The following TMPRSS6 variants were observed in gnomAD, a reference collection of about 807,000 sequenced individuals.
The protein encoded by TMPRSS6 is transmembrane protease serine 6.
Under a neutral mutation model 101.5 loss-of-function variants are expected in TMPRSS6, and 67 were observed. The observed-to-expected ratio is 0.66, with a 90% CI of 0.54 to 0.81. TMPRSS6 has a LOEUF of 0.81. Among genes scored for constraint, TMPRSS6 ranks in the 30% least tolerant of loss-of-function variants. The pLI is 0.00. For synonymous variants in TMPRSS6, 453 were observed against 464.9 expected (o/e 0.97, Z 0.33); for missense variants, 1,034 against 1,088.7 (o/e 0.95, Z 0.71).
At chr22:37,094,800 C>T (rs1012755533) in intron 6 of TMPRSS6, among the ~76,000 whole-genome samples, 9 of 152,178 alleles carry the variant, frequency 5.9e-5, no homozygotes, top group Non-Finnish European at 2.9e-5. Flanking sequence ...TTAAACTCTG[C>T]CTCCCTCCCT....
At chr22:37,096,183 C>T (rs1929748944) in intron 4 of TMPRSS6, 93 bp from the exon 5 acceptor site, 2 of 1,406,652 alleles carry the variant, frequency 1.4e-6, no homozygotes, top group African/African-American at 2.8e-5. Flanking sequence ...ACTTTCCGCA[C>T]CTCAGCCATT....
chr22:37,089,883 C>A, intron 6 of TMPRSS6, 101 bp from the exon 7 acceptor site: 1 of 1,256,182 alleles, frequency 8.0e-7, no homozygotes, highest in South Asian at 1.5e-5. Context: ...GCAGGATGGG[C>A]TGGGCAGGGG....
intron 1 of TMPRSS6, among the ~76,000 whole-genome samples, chr22:37,106,877 C>A (rs536459959): frequency 6.6e-6 from 1 of 152,214 alleles, no homozygotes; most frequent in Non-Finnish European, 1.5e-5. Flanking sequence ...TACCAGGCGA[C>A]CTGCCAGGCA....
chr22:37,075,011 A>G (rs1048916755), intron 11 of TMPRSS6, 124 bp downstream of exon 11: 5 of 1,516,728 alleles, frequency 3.3e-6, no homozygotes, highest in East Asian at 4.5e-5. Context: ...ACACACACAC[A>G]CACACTCTCT....
chr22:37,081,490 T>G (rs1928264840), intron 10 of TMPRSS6, among the ~76,000 whole-genome samples: 1 of 152,198 alleles, frequency 6.6e-6, no homozygotes, highest in Non-Finnish European at 1.5e-5. Flanking sequence ...GACAATAGCT[T>G]CCTGATGGGT....
chr22:37,067,982 T>C (rs912662102), intron 16 of TMPRSS6, among the ~76,000 whole-genome samples: 1 of 117,752 alleles, frequency 8.5e-6, no homozygotes, highest in Non-Finnish European at 1.8e-5. Context: ...CCTGAATGTC[T>C]TTCCCCTTTG....
At chr22:37,088,333 C>A (rs561666752) in intron 7 of TMPRSS6, among the ~76,000 whole-genome samples, 1 of 152,132 alleles carries the variant, frequency 6.6e-6, no homozygotes, top group African/African-American at 2.4e-5. Flanking sequence ...GCAAGAACCT[C>A]TGCCAGCTCA....
In TMPRSS6 at chr22:37,066,152, G is replaced by A; in HGVS notation, c.2337C>T (p.Gly779=). ...TGTAGACGCCGAAGTAGTTAGGCCG[G>A]CCACAGCCCAGGCCCCAGCTGACCA... The part of the protein sequence containing the change: ...AGLVSWGLGC[G]RPNYFGVYTR... Residue 779 remains glycine (G), a synonymous_variant, in exon 18 of 18, where the codon GGC becomes GGT. Coordinates refer to ENST00000676104, the MANE Select transcript of TMPRSS6 (RefSeq NM_001374504.1). 1 of 1,613,220 alleles carries A rather than the reference G, an allele frequency of 6.2e-7. No homozygotes were observed. Among genetic ancestry groups the A allele is most frequent in the Non-Finnish European group, 8.5e-7 (1 of 1,179,992 alleles).
chr22:37,098,464 G>A lies in TMPRSS6; in HGVS notation c.288C>T (p.Arg96=). Residue 96 remains arginine, a synonymous_variant, in exon 3 of 18, where the codon CGC becomes CGT. Transcript: ENST00000676104. ...LNRHFSQDLT[R]RESSAFRSET... is the part of the protein sequence containing the mutation. ...CACTGCGGAAGGCACTAGATTCCCG[G>A]CGGGTAAGATCCTGGGAGAAGTGGC... 6.2e-7 allele frequency: 1 copy of A among 1,614,036 alleles called. No homozygotes were observed.
chr22:37,079,627 T>C (rs763289648), intron 10 of TMPRSS6, among the ~76,000 whole-genome samples: 2 of 152,318 alleles, frequency 1.3e-5, no homozygotes, highest in African/African-American at 2.4e-5. Context: ...CAGAGCTGAA[T>C]TGGCAGCCTG....
chr22:37,076,948 C>T (rs1429927091), intron 10 of TMPRSS6, among the ~76,000 whole-genome samples: 1 of 152,222 alleles, frequency 6.6e-6, no homozygotes, highest in Non-Finnish European at 1.5e-5. Context: ...CCTGCGGAGC[C>T]GGCCATGATT....
chr22:37,088,652 C>A (rs772909337), intron 7 of TMPRSS6, among the ~76,000 whole-genome samples: 12 of 152,048 alleles, frequency 7.9e-5, no homozygotes, highest in Non-Finnish European at 1.6e-4. Flanking sequence ...GTACTCCACT[C>A]CATATCTTAT....
At chr22:37,068,994 G>T in intron 16 of TMPRSS6, 79 bp downstream of exon 16, 11 of 1,512,556 alleles carry the variant, frequency 7.3e-6, no homozygotes, top group Non-Finnish European at 9.7e-6. Context: ...CCCCAGCCCC[G>T]CCCTTCTCCA....
chr22:37,091,414 C>T (rs539990060), intron 6 of TMPRSS6, among the ~76,000 whole-genome samples: 10 of 152,334 alleles, frequency 6.6e-5, no homozygotes, highest in East Asian at 1.9e-4. Flanking sequence ...GCCCCCCAGG[C>T]TAGTGCCATC....
Position 37,103,526 on chromosome 22 carries a change from A to T in TMPRSS6, c.-1-108T>A, listed in dbSNP as rs201879809. ...AGGACTTCCCTGCCTTTTGGAGTGG[A>T]AGAGTAACAACATCAGGCGGCAGTG... On this transcript the variant is annotated intron_variant, in intron 1 of 17. Transcript: ENST00000676104. This position sits in a 1 kb window ranked among gnomAD's most constrained non-coding sequence, Gnocchi z 4.4. 1 of 1,614,100 alleles carries T rather than the reference A, an allele frequency of 6.2e-7. No individual in the cohort carries two copies. Among genetic ancestry groups the T allele is most frequent in the East Asian group, 2.2e-5 (1 of 44,888 alleles).
At chr22:37,092,906 C>A (rs937623906) in intron 6 of TMPRSS6, among the ~76,000 whole-genome samples, 1 of 152,216 alleles carries the variant, frequency 6.6e-6, no homozygotes, top group Non-Finnish European at 1.5e-5. Flanking sequence ...GATTTGCCCC[C>A]TCTTCTGCTT....
chr22:37,078,991 A>AAGAAAGAAAG (rs1569006213), intron 10 of TMPRSS6, among the ~76,000 whole-genome samples: 8 of 149,280 alleles, frequency 5.4e-5, no homozygotes, highest in African/African-American at 2.0e-4. Context: ...GAAAGAAAGA[A>AAGAAAGAAAG]AGAAAGAAAG....
At chr22:37,072,211 GGATGATGGATGGATGGATGGAT>G (rs1927022059) in intron 13 of TMPRSS6, among the ~76,000 whole-genome samples, 1 of 138,594 alleles carries the variant, frequency 7.2e-6, no homozygotes, top group African/African-American at 3.1e-5. Flanking sequence ...ATGGATGGAT[GGATGATGGATGGATGGATGGAT>G]GATGGATGGA....
chr22:37,087,296 A>G (rs12171211), intron 7 of TMPRSS6, among the ~76,000 whole-genome samples: 7,360 of 152,308 alleles, frequency 0.048, 638 homozygotes, highest in African/African-American at 0.17. Context: ...TGGGCAACCC[A>G]ATAGCCTCCC....
Sources: allele counts gnomAD v4.1 joint callset (sites outside exome capture counted in the v4.1 genomes callset), GRCh38; gene constraint gnomAD v4.1.1; non-coding constraint Gnocchi (gnomAD v3.1); transcripts MANE v1.5; gene names NCBI Gene and HGNC (gene_info 2026-07-23, HGNC 2026-07-21).